The following PUDP variants were observed in gnomAD, a reference collection of about 807,000 sequenced individuals.
PUDP encodes pseudouridine 5'-phosphatase.
In PUDP, 8 loss-of-function variants were observed where a neutral mutation model predicts 9.4. The ratio of observed to expected loss-of-function variants is 0.85; its 90% CI spans 0.50 to 1.53. PUDP has a LOEUF of 1.53. Among genes scored for constraint, PUDP ranks in the 40% most tolerant of loss-of-function variants. The probability of loss-of-function intolerance (pLI) is 0.00; values close to 1 mark genes in which losing one functional copy is unlikely to be tolerated. For missense variants in PUDP, 188 were observed against 189.7 expected, an observed-to-expected ratio of 0.99 and a Z score of 0.05; for synonymous variants, 99 against 80.7, an observed-to-expected ratio of 1.23 and a Z score of -1.22.
At chrX:6,725,803 T>C (rs1273515601), upstream of PUDP, among the ~76,000 whole-genome samples, 1 of 112,161 alleles carries the variant, frequency 8.9e-6, no homozygotes, top group East Asian at 2.8e-4. Context: ...GGAACTCTTA[T>C]ACACTGTTAA....
chrX:6,900,541 CGGAGAG>C (rs1324865945), intron 3 of PUDP, among the ~76,000 whole-genome samples: 1 of 99,343 alleles, frequency 1.0e-5, no homozygotes, highest in African/African-American at 3.7e-5. Context: ...GAGAGGGAGA[CGGAGAG>C]GGAGAGAGGG....
intron 1 of PUDP, among the ~76,000 whole-genome samples, chrX:7,147,654 G>A (rs1932897369): frequency 8.9e-6 from 1 of 112,129 alleles, no homozygotes. Context: ...GCTGGGCACC[G>A]CTCAAGGTCG....
At chrX:6,768,410 C>CAATGGT (rs1474208386) in intron 3 of PUDP, among the ~76,000 whole-genome samples, 1 of 112,166 alleles carries the variant, frequency 8.9e-6, no homozygotes, top group Non-Finnish European at 1.9e-5. Flanking sequence ...TGCCTGAACT[C>CAATGGT]AATGGTTTTA....
upstream of PUDP, among the ~76,000 whole-genome samples, chrX:6,725,136 G>A (rs1224768183): frequency 1.8e-5 from 2 of 111,653 alleles, no homozygotes; most frequent in Non-Finnish European, 3.8e-5. Flanking sequence ...CCCCAAGGAT[G>A]CCACCAGGGG....
At chrX:6,755,587 T>C (rs751582671) in intron 3 of PUDP, among the ~76,000 whole-genome samples, 72 of 111,943 alleles carry the variant, frequency 6.4e-4, no homozygotes, top group Non-Finnish European at 8.1e-4. Context: ...TTTCATCATA[T>C]AGAGTTATTC....
At chrX:6,948,892 G>C (rs778369320) in intron 3 of PUDP, among the ~76,000 whole-genome samples, 7 of 111,749 alleles carry the variant, frequency 6.3e-5, no homozygotes, top group African/African-American at 2.3e-4. Flanking sequence ...AAACAACTAG[G>C]CTGGTATCAT....
chrX:7,021,381 A>C (rs1249537701), intron 1 of PUDP, among the ~76,000 whole-genome samples: 1 of 111,498 alleles, frequency 9.0e-6, no homozygotes, highest in Non-Finnish European at 1.9e-5. Flanking sequence ...AGACCCTCAG[A>C]GACCAAAATG....
chrX:6,984,927 C>T (rs1447253002), intron 1 of PUDP, among the ~76,000 whole-genome samples: 1 of 111,935 alleles, frequency 8.9e-6, no homozygotes, highest in Admixed American at 9.5e-5. Context: ...GAAATCAGTG[C>T]CTGAGCCATT....
chrX:7,145,891 A>G (rs186198665), intron 1 of PUDP, among the ~76,000 whole-genome samples: 1 of 112,359 alleles, frequency 8.9e-6, no homozygotes, highest in African/African-American at 3.2e-5. Context: ...ATAACTCATT[A>G]TAAATTGATA....
chrX:6,940,105 G>C (rs916877752), intron 3 of PUDP, among the ~76,000 whole-genome samples: 2 of 112,777 alleles, frequency 1.8e-5, no homozygotes, highest in African/African-American at 6.4e-5. Flanking sequence ...ATAACCTTTA[G>C]CCTCTCCTCT....
chrX:7,030,131 C>A (rs996053134), intron 1 of PUDP, among the ~76,000 whole-genome samples: 8 of 109,874 alleles, frequency 7.3e-5, no homozygotes, highest in African/African-American at 2.7e-4. Flanking sequence ...TCTATCTTTC[C>A]TTCTCATTTT....
chrX:7,037,448 T>A (rs1478817932), intron 1 of PUDP, among the ~76,000 whole-genome samples: 1 of 112,306 alleles, frequency 8.9e-6, no homozygotes, highest in Non-Finnish European at 1.9e-5. Flanking sequence ...AACCTTGATC[T>A]TAACTTTCTA....
intron 2 of PUDP, 80 bp downstream of exon 2, chrX:7,105,540 A>G (rs1277620542): frequency 1.1e-5 from 8 of 710,806 alleles, no homozygotes; most frequent in African/African-American, 1.1e-4. Flanking sequence ...AGCATGCCCT[A>G]TGCTAGACTT....
chrX:6,995,140 G>A lies in PUDP; in HGVS notation c.205-16797C>T, dbSNP rs1235496964. On this transcript the variant is annotated intron_variant and NMD_transcript_variant, in intron 1 of 3. Transcript: ENST00000655425. The stretch of plus-strand genomic sequence containing the variant: ...TTTTAAAGCTCAAAATAATAAAGAA[G>A]TCATTTATTTACATGTGGAACAAGA... Among the ~76,000 whole-genome samples the A allele has an allele frequency of 1.2e-4, 13 of 110,479 alleles. No individual in the cohort carries two copies. The Admixed American group carries it at 1.3e-3, about 11-fold the overall frequency.
intron 1 of PUDP, among the ~76,000 whole-genome samples, chrX:7,029,009 C>T (rs1222840343): frequency 8.9e-6 from 1 of 111,847 alleles, no homozygotes; most frequent in African/African-American, 3.2e-5. Context: ...AGGGCCCACT[C>T]TAGTGACCTT....
chrX:6,799,932 C>G (rs185823967), intron 3 of PUDP, among the ~76,000 whole-genome samples: 67 of 112,243 alleles, frequency 6.0e-4, no homozygotes, highest in Non-Finnish European at 6.9e-4. Context: ...TGGTAACTAA[C>G]CCAGTATAAA....
intron 1 of PUDP, among the ~76,000 whole-genome samples, chrX:6,993,997 G>A (rs934130467): frequency 8.9e-6 from 1 of 112,511 alleles, no homozygotes; most frequent in Non-Finnish European, 1.9e-5. Flanking sequence ...TTACATTTCA[G>A]AATTTTAACT....
intron 3 of PUDP, among the ~76,000 whole-genome samples, chrX:6,875,009 G>A (rs1389834459): frequency 1.8e-5 from 2 of 111,820 alleles, no homozygotes; most frequent in Admixed American, 9.5e-5. Context: ...TTTCATTTAC[G>A]TGAGTGCTTG....
At chrX:6,748,614 TA>T (rs751654997) in intron 3 of PUDP, among the ~76,000 whole-genome samples, 6 of 110,882 alleles carry the variant, frequency 5.4e-5, no homozygotes, top group Admixed American at 4.8e-4. Context: ...GACAATCCCT[TA>T]AAAAAAATAA....
Sources: allele counts gnomAD v4.1 joint callset (sites outside exome capture counted in the v4.1 genomes callset), GRCh38; gene constraint gnomAD v4.1.1; transcripts MANE v1.5; gene names NCBI Gene and HGNC (gene_info 2026-07-23, HGNC 2026-07-21).